Variants in PDE10A observed in about 807,000 individuals in gnomAD.
PDE10A encodes the protein phosphodiesterase 10A, also known as cAMP and cAMP-inhibited cGMP 3',5'-cyclic phosphodiesterase 10A.
PDE10A carries 39 observed loss-of-function variants against 97.7 expected under a neutral mutation model. That is an observed-to-expected ratio of 0.40 (90% confidence interval 0.31 to 0.52). PDE10A has a LOEUF of 0.52. PDE10A is among the 20% of genes least tolerant of loss of function. PDE10A has a pLI of 0.56. For missense variants in PDE10A, 731 were observed against 1,047.8 expected (o/e 0.70, Z 4.17); for synonymous variants, 371 against 376.8 (o/e 0.98, Z 0.18).
chr6:165,461,696 G>T (rs776600753), intron 3 of PDE10A, among the ~76,000 whole-genome samples: 21 of 152,164 alleles, frequency 1.4e-4, no homozygotes, highest in Non-Finnish European at 5.9e-5. Context: ...CCTCTTCCAG[G>T]ACCTTTGACT....
chr6:165,535,733 A>G (rs1783046524), intron 2 of PDE10A, among the ~76,000 whole-genome samples: 1 of 151,822 alleles, frequency 6.6e-6, no homozygotes, highest in Admixed American at 6.6e-5. Context: ...TATCTTTTCT[A>G]TATAATGATT....
intron 1 of PDE10A, among the ~76,000 whole-genome samples, chr6:165,933,912 A>G (rs1054850232): frequency 1.3e-5 from 2 of 152,002 alleles, no homozygotes; most frequent in East Asian, 3.9e-4. Context: ...GCACAGCAAG[A>G]GGGGTTTGTG....
chr6:165,489,055 G>A lies in PDE10A; in HGVS notation c.995-6712C>T, dbSNP rs190997412. Among the ~76,000 whole-genome samples the A allele has an allele frequency of 2.4e-3, 359 of 152,148 alleles. 2 individuals carry two copies. Among genetic ancestry groups the A allele is most frequent in the Middle Eastern group, 6.8e-3 (2 of 294 alleles). The stretch of plus-strand genomic sequence containing the variant: ...GAAACCTGAATATTTACCCAAAGGC[G>A]ACCCTAGGGCGAGCTTGTCTTCTCA... On this transcript the variant is annotated intron_variant, in intron 2 of 21. Transcript: ENST00000539869.
At chr6:165,881,757 G>A (rs1781485779) in intron 1 of PDE10A, among the ~76,000 whole-genome samples, 1 of 151,970 alleles carries the variant, frequency 6.6e-6, no homozygotes, top group Non-Finnish European at 1.5e-5. Context: ...TACACAGAGT[G>A]AAGGAAATAA....
At chr6:165,650,353 C>T (rs1161393509) in intron 1 of PDE10A, among the ~76,000 whole-genome samples, 1 of 152,136 alleles carries the variant, frequency 6.6e-6, no homozygotes, top group African/African-American at 2.4e-5. Context: ...GGTTTTCCAT[C>T]CCCCAGGACC....
intron 1 of PDE10A, chr6:165,754,475 A>G (rs1793072980): frequency 6.6e-6 from 1 of 152,230 alleles, no homozygotes; most frequent in East Asian, 1.9e-4. Flanking sequence ...GCTGTTGGAG[A>G]CAAATATTGC....
At chr6:165,367,583 A>AC (rs1783873300) in intron 18 of PDE10A, among the ~76,000 whole-genome samples, 1 of 151,968 alleles carries the variant, frequency 6.6e-6, no homozygotes. Flanking sequence ...AAGAAGAATG[A>AC]CTGTAAAAGC....
Position 165,571,691 on chromosome 6 carries a change from T to C in PDE10A, c.866-28123A>G, listed in dbSNP as rs181095246. Among the ~76,000 whole-genome samples, 25 of 152,352 alleles carry C rather than the reference T, an allele frequency of 1.6e-4. No individual in the cohort carries two copies. The East Asian group carries it at 2.9e-3, about 18-fold the overall frequency. On this transcript the variant is annotated intron_variant, in intron 1 of 21. Transcript: ENST00000539869. ...GCTTTTAAAAAGAAATCCCCATTCT[T>C]AAGTGTTTAGTACCAGTTGACCTGC... is the stretch of plus-strand genomic sequence containing the variant.
intron 1 of PDE10A, among the ~76,000 whole-genome samples, chr6:165,715,779 C>A (rs1319610613): frequency 6.6e-6 from 1 of 152,140 alleles, no homozygotes; most frequent in Non-Finnish European, 1.5e-5. Flanking sequence ...GGGGGACGTC[C>A]CTCTTCCGGG....
At chr6:165,422,304 T>A (rs1433464779) in intron 10 of PDE10A, among the ~76,000 whole-genome samples, 1 of 146,020 alleles carries the variant, frequency 6.8e-6, no homozygotes, top group African/African-American at 2.7e-5. Context: ...CACATACGCA[T>A]ACACACATAC....
At chr6:165,506,713 A>G (rs781651294) in intron 2 of PDE10A, among the ~76,000 whole-genome samples, 4 of 152,152 alleles carry the variant, frequency 2.6e-5, no homozygotes, top group Non-Finnish European at 5.9e-5. Flanking sequence ...CAGGTGCCTT[A>G]TCTGTCATTC....
intron 13 of PDE10A, among the ~76,000 whole-genome samples, chr6:165,400,951 A>G (rs1305236167): frequency 1.3e-5 from 2 of 152,238 alleles, no homozygotes; most frequent in Admixed American, 6.5e-5. Context: ...AAAAAAGCCA[A>G]ATAATACAGA....
chr6:165,616,673 C>G (rs1412109155), intron 1 of PDE10A, among the ~76,000 whole-genome samples: 1 of 152,132 alleles, frequency 6.6e-6, no homozygotes, highest in Non-Finnish European at 1.5e-5. Context: ...CTTCTTCTAG[C>G]ACAAATGAAT....
At chr6:165,497,896 G>A (rs1258141061) in intron 2 of PDE10A, among the ~76,000 whole-genome samples, 2 of 152,182 alleles carry the variant, frequency 1.3e-5, no homozygotes, top group Non-Finnish European at 2.9e-5. Flanking sequence ...ATTTGAGGCA[G>A]TATTCACTGT....
intron 2 of PDE10A, among the ~76,000 whole-genome samples, chr6:165,533,481 C>T (rs1782902600): frequency 6.6e-6 from 1 of 152,126 alleles, no homozygotes; most frequent in Admixed American, 6.6e-5. Context: ...AGAAAAGGCA[C>T]AGAAAAGATA....
intron 1 of PDE10A, among the ~76,000 whole-genome samples, chr6:165,656,735 C>T (rs1789989191): frequency 6.6e-6 from 1 of 152,182 alleles, no homozygotes; most frequent in Admixed American, 6.5e-5. Context: ...TCTCGCAAAG[C>T]GAAGGCACTG....
At chr6:165,374,403 T>C (rs1212499433) in intron 18 of PDE10A, among the ~76,000 whole-genome samples, 3 of 151,966 alleles carry the variant, frequency 2.0e-5, no homozygotes, top group Admixed American at 6.6e-5. Flanking sequence ...TAAAGAAATA[T>C]GTGTAATATA....
At chr6:165,450,841 G>T (rs541876509) in intron 3 of PDE10A, among the ~76,000 whole-genome samples, 198 of 152,216 alleles carry the variant, frequency 1.3e-3, no homozygotes, top group African/African-American at 4.6e-3. Flanking sequence ...GGGATTGAAG[G>T]CATGAGCCAC....
intron 1 of PDE10A, among the ~76,000 whole-genome samples, chr6:165,870,142 AAC>A (rs1189545274): frequency 2.6e-5 from 4 of 152,214 alleles, no homozygotes; most frequent in African/African-American, 9.6e-5. Context: ...GGAAAAAATC[AAC>A]AGAGTGAAGA....
Sources: allele counts gnomAD v4.1 joint callset (sites outside exome capture counted in the v4.1 genomes callset), GRCh38; gene constraint gnomAD v4.1.1; transcripts MANE v1.5; gene names NCBI Gene and HGNC (gene_info 2026-07-23, HGNC 2026-07-21).